The following NCALD variants were observed in gnomAD, a reference collection of about 807,000 sequenced individuals.
The protein encoded by NCALD is neurocalcin delta, also known as neurocalcin-delta.
In NCALD, 10 loss-of-function variants were observed where a neutral mutation model predicts 18.6. That is an observed-to-expected ratio of 0.54 (90% confidence interval 0.33 to 0.91). The LOEUF is 0.91. Among genes scored for constraint, NCALD ranks in the 40% least tolerant of loss-of-function variants. The probability of loss-of-function intolerance (pLI) is 0.03; values close to 1 mark genes in which losing one functional copy is unlikely to be tolerated. For missense variants in NCALD, 184 were observed against 247.6 expected (o/e 0.74, Z 1.72); for synonymous variants, 88 against 87.4 (o/e 1.01, Z -0.04).
chr8:101,848,270 G>A (rs16868526), intron 4 of NCALD, among the ~76,000 whole-genome samples: 3,477 of 152,214 alleles, frequency 0.023, 137 homozygotes, highest in African/African-American at 0.078. Context: ...GAGCAGCAGG[G>A]AGTTACAGGG....
At chr8:101,726,488 G>A (rs1252257058) in intron 1 of NCALD, among the ~76,000 whole-genome samples, 3 of 152,130 alleles carry the variant, frequency 2.0e-5, no homozygotes, top group Admixed American at 6.5e-5. Context: ...TGGTTCATAT[G>A]TAAGATGTGA....
Position 101,686,629 on chromosome 8 carries a change from A to G in NCALD, c.*2680T>C, listed in dbSNP as rs1814484717. On this transcript the variant is annotated 3_prime_UTR_variant, in exon 4 of 4. Coordinates refer to ENST00000220931, the MANE Select transcript of NCALD (RefSeq NM_032041.3). The stretch of plus-strand genomic sequence containing the variant: ...GGCCACTCCATAGGCTATGATTTAT[A>G]AATTATATATTATTAAATCCACCGT... 1 of 152,586 alleles carries G rather than the reference A, an allele frequency of 6.6e-6. No individual in the cohort carries two copies. The highest frequency in any genetic ancestry group is 6.5e-5 in the Admixed American group (1 of 15,274). The allele number at this position is 152,586 out of a possible 1,614,324, so 9.5% of individuals were successfully genotyped here.
In NCALD at chr8:101,764,189, A is replaced by G. The variant is rs118061400; in HGVS notation, c.-20+26673T>C. 7.0e-3 allele frequency among the ~76,000 whole-genome samples: 1,073 copies of G among 152,304 alleles called. 36 individuals carry two copies. The highest frequency in any genetic ancestry group is 0.05 in the Admixed American group (763 of 15,284). ...TGGCACAAAAACTGTATTCAAAGCC[A>G]TAAGACTGGATGTGCTCATTGAGGG... On this transcript the variant is annotated intron_variant, in intron 1 of 3. Coordinates refer to ENST00000220931, the MANE Select transcript of NCALD (RefSeq NM_032041.3).
intron 1 of NCALD, among the ~76,000 whole-genome samples, chr8:101,729,283 G>A (rs1156614438): frequency 6.6e-6 from 1 of 152,086 alleles, no homozygotes; most frequent in East Asian, 1.9e-4. Context: ...AGTACATCAG[G>A]AAAAAATTAA....
At position 102,119,541 on chromosome 8, in the gene NCALD, G is replaced by A. The variant is rs568135472; in HGVS notation, c.-210+4696C>T. Among the ~76,000 whole-genome samples the A allele has an allele frequency of 1.2e-4, 19 of 152,296 alleles. No homozygotes were observed. The South Asian group carries it at 2.3e-3, about 18-fold the overall frequency. The stretch of plus-strand genomic sequence containing the variant: ...TGTATTTAAAGCCACTGAACTGTAC[G>A]TTTAAGAATGGTTAAAATGGTCAAT... On this transcript the variant is annotated intron_variant, in intron 1 of 6. Transcript: ENST00000311028.
At chr8:101,956,280 A>T (rs1047420362) in intron 2 of NCALD, among the ~76,000 whole-genome samples, 1 of 152,148 alleles carries the variant, frequency 6.6e-6, no homozygotes, top group Non-Finnish European at 1.5e-5. Context: ...CAGGCTGGTT[A>T]CATGCCAAGC....
At chr8:101,979,274 T>C (rs928211585) in intron 2 of NCALD, among the ~76,000 whole-genome samples, 7 of 125,052 alleles carry the variant, frequency 5.6e-5, no homozygotes, top group Non-Finnish European at 1.1e-4. Context: ...ACAAGGCTCA[T>C]AAGGCCAGCC....
chr8:102,043,599 T>A (rs1401421519), intron 1 of NCALD, among the ~76,000 whole-genome samples: 2 of 151,020 alleles, frequency 1.3e-5, no homozygotes, highest in African/African-American at 2.5e-5. Flanking sequence ...AAAGGTAAAA[T>A]GTTAGGCGGT....
chr8:102,049,465 A>G (rs926012187), intron 1 of NCALD, among the ~76,000 whole-genome samples: 2 of 152,234 alleles, frequency 1.3e-5, no homozygotes, highest in Non-Finnish European at 2.9e-5. Context: ...GGTTGCTTCC[A>G]AGTTTTGGCA....
At chr8:102,095,904 T>C (rs1825078339) in intron 1 of NCALD, among the ~76,000 whole-genome samples, 1 of 152,188 alleles carries the variant, frequency 6.6e-6, no homozygotes, top group Non-Finnish European at 1.5e-5. Flanking sequence ...AATAAATAAA[T>C]CTTGCCAAAG....
intron 4 of NCALD, among the ~76,000 whole-genome samples, chr8:101,881,379 G>C (rs1055039190): frequency 5.3e-5 from 8 of 152,086 alleles, no homozygotes; most frequent in Middle Eastern, 3.2e-3. Flanking sequence ...CCCATTTTCA[G>C]GAACTTTGAT....
chr8:102,119,218 T>A (rs1463829923), intron 1 of NCALD, among the ~76,000 whole-genome samples: 1 of 152,170 alleles, frequency 6.6e-6, no homozygotes, highest in Non-Finnish European at 1.5e-5. Context: ...GGTACATACA[T>A]ACAATGGAAC....
At chr8:101,946,540 A>C (rs1165596194) in intron 2 of NCALD, among the ~76,000 whole-genome samples, 1 of 152,176 alleles carries the variant, frequency 6.6e-6, no homozygotes, top group East Asian at 1.9e-4. Context: ...AACGGTATCT[A>C]GTTTGAGTCA....
intron 4 of NCALD, among the ~76,000 whole-genome samples, chr8:101,800,271 T>C (rs932199242): frequency 6.6e-6 from 1 of 152,112 alleles, no homozygotes; most frequent in African/African-American, 2.4e-5. Context: ...AAGAGAGGAA[T>C]AGAATTAAAG....
chr8:101,752,667 C>T (rs957977057), intron 1 of NCALD, among the ~76,000 whole-genome samples: 8 of 152,166 alleles, frequency 5.3e-5, no homozygotes, highest in Non-Finnish European at 1.0e-4. Context: ...GGACTAGGTT[C>T]CAATGCTAAC....
intron 1 of NCALD, among the ~76,000 whole-genome samples, chr8:101,734,403 T>C (rs1197461799): frequency 2.0e-5 from 3 of 152,198 alleles, no homozygotes; most frequent in Non-Finnish European, 4.4e-5. Flanking sequence ...ATTTGCACAG[T>C]TATATGCTTA....
At chr8:101,952,082 T>C (rs1398097119) in intron 2 of NCALD, among the ~76,000 whole-genome samples, 20 of 152,186 alleles carry the variant, frequency 1.3e-4, no homozygotes, top group Non-Finnish European at 4.4e-5. Context: ...CAAGCTCCTC[T>C]TGGAATCCCT....
chr8:101,693,536 T>C (rs1469325984), intron 2 of NCALD: 3 of 151,598 alleles, frequency 2.0e-5, no homozygotes, highest in Non-Finnish European at 2.9e-5. Context: ...TCTGATTGGG[T>C]AGTGTGGGGG....
chr8:101,890,864 T>G (rs1450538082), intron 3 of NCALD, among the ~76,000 whole-genome samples: 1 of 152,214 alleles, frequency 6.6e-6, no homozygotes, highest in African/African-American at 2.4e-5. Context: ...ACATGACTTT[T>G]TCGACATAGC....
Sources: gnomAD v4.1 joint callset for allele counts (sites outside exome capture counted in the v4.1 genomes callset) on GRCh38, gnomAD v4.1.1 for gene constraint, MANE v1.5 for transcripts, NCBI Gene and HGNC (gene_info 2026-07-23, HGNC 2026-07-21) for gene names.